The following USP34 variants were observed in gnomAD, a reference collection of about 807,000 sequenced individuals.
USP34 encodes the protein ubiquitin carboxyl-terminal hydrolase 34.
Under a neutral mutation model 460.3 loss-of-function variants are expected in USP34, and 70 were observed. The ratio of observed to expected loss-of-function variants is 0.15; its 90% CI spans 0.13 to 0.19. The LOEUF (loss-of-function observed/expected upper bound fraction) is 0.19. Ranked by LOEUF, USP34 falls within the 10% of genes least tolerant of loss-of-function variation. The pLI is 1.00. For synonymous variants in USP34, 1,647 were observed against 1,405.3 expected, an observed-to-expected ratio of 1.17 and a Z score of -3.85; for missense variants, 3,985 against 4,236.2, an observed-to-expected ratio of 0.94 and a Z score of 1.65.
At chr2:61,367,356 G>T (rs1692473264) in intron 10 of USP34, among the ~76,000 whole-genome samples, 1 of 152,168 alleles carries the variant, frequency 6.6e-6, no homozygotes, top group African/African-American at 2.4e-5. Flanking sequence ...TTTGCCAGGT[G>T]GTGGCTCGTG....
chr2:61,385,126 A>C (rs1693096640), intron 5 of USP34, among the ~76,000 whole-genome samples: 1 of 152,158 alleles, frequency 6.6e-6, no homozygotes, highest in African/African-American at 2.4e-5. Flanking sequence ...ACAGTTTTCA[A>C]AACGATTCCC....
At chr2:61,366,677 C>A (rs1692451049) in intron 10 of USP34, among the ~76,000 whole-genome samples, 1 of 151,936 alleles carries the variant, frequency 6.6e-6, no homozygotes, top group African/African-American at 2.4e-5. Context: ...GACAAGAGTT[C>A]CATTTGAGAG....
At chr2:61,268,137 C>A (rs557343732) in intron 41 of USP34, among the ~76,000 whole-genome samples, 36 of 152,198 alleles carry the variant, frequency 2.4e-4, no homozygotes, top group Admixed American at 2.1e-3. Context: ...ACTATGACCT[C>A]AGAGAATATT....
At position 61,222,885 on chromosome 2, in the gene USP34, C is replaced by T. The variant is rs149189128; in HGVS notation, c.7749+175G>A. 269 of 686,364 alleles carry T rather than the reference C, an allele frequency of 3.9e-4. No individual in the cohort carries two copies. The East Asian group carries it at 6.4e-3, about 16-fold the overall frequency. 42.5% of individuals were successfully genotyped at this position (686,364 alleles called of 1,614,324 possible). ...TAGATTTTTCTATTTTGTGTAGAGA[C>T]GGGTTCTCACTATGTTGCCTAGGCT... is the stretch of plus-strand genomic sequence containing the variant. On this transcript the variant is annotated intron_variant, in intron 64 of 79. Transcript: ENST00000398571.
At chr2:61,418,175 G>A (rs1236323105) in intron 2 of USP34, among the ~76,000 whole-genome samples, 2 of 151,368 alleles carry the variant, frequency 1.3e-5, no homozygotes, top group Non-Finnish European at 2.9e-5. Flanking sequence ...CGCCTCCCAG[G>A]TTCAAACAAT....
At chr2:61,314,421 T>C (rs1385063160) in intron 25 of USP34, among the ~76,000 whole-genome samples, 164 bp downstream of exon 25, 1 of 152,186 alleles carries the variant, frequency 6.6e-6, no homozygotes, top group Admixed American at 6.5e-5. Flanking sequence ...CAAAATGGTA[T>C]ATATTCTTAA....
intron 33 of USP34, among the ~76,000 whole-genome samples, chr2:61,293,221 A>G (rs1404670437): frequency 1.3e-5 from 2 of 152,214 alleles, no homozygotes; most frequent in South Asian, 2.1e-4. Context: ...TAAAGGAAAC[A>G]TGTTTATGAA....
In USP34 at chr2:61,333,896, T is replaced by C; in HGVS notation, c.2820A>G (p.Thr940=). 6.3e-7 allele frequency: 1 copy of C among 1,578,038 alleles called. No individual in the cohort carries two copies. The highest frequency in any genetic ancestry group is 1.8e-5 in the Admixed American group (1 of 55,522). ...TATTTACTTACATTGTTATCCAGTG[T>C]GTATCGTAACTGCTCCCAAACTGCT... ...TFQQFGSSYD[T]HWITMWAEKE... Residue 940 remains threonine (T), a synonymous_variant, in exon 19 of 80, where the codon ACA becomes ACG. Transcript: ENST00000398571.
intron 1 of USP34, among the ~76,000 whole-genome samples, chr2:61,424,121 C>G (rs997249182): frequency 6.6e-6 from 1 of 152,118 alleles, no homozygotes; most frequent in African/African-American, 2.4e-5. Flanking sequence ...ATCCAGCAAT[C>G]CCACTCGTGA....
intron 3 of USP34, among the ~76,000 whole-genome samples, chr2:61,400,073 CAGAG>C (rs749836730): frequency 8.0e-6 from 1 of 124,646 alleles, no homozygotes; most frequent in Admixed American, 8.7e-5. Flanking sequence ...AAAGAGAAAA[CAGAG>C]AGAAATAAAT....
chr2:61,463,462 GGTCA>G (rs1370181227), intron 1 of USP34, among the ~76,000 whole-genome samples: 12 of 152,098 alleles, frequency 7.9e-5, no homozygotes, highest in Non-Finnish European at 1.3e-4. Context: ...CATAAAACAC[GGTCA>G]GTAATTTTCA....
intron 27 of USP34, among the ~76,000 whole-genome samples, chr2:61,308,947 TG>T (rs1253816100): frequency 2.6e-5 from 4 of 151,962 alleles, no homozygotes; most frequent in African/African-American, 9.7e-5. Context: ...GAGGCTGAGG[TG>T]GGAGAATCAC....
intron 29 of USP34, among the ~76,000 whole-genome samples, chr2:61,300,110 T>C (rs185775451): frequency 6.6e-6 from 1 of 152,360 alleles, no homozygotes; most frequent in Admixed American, 6.5e-5. Context: ...AATGCTTTAC[T>C]GACTTTGTTA....
chr2:61,297,574 A>G (rs1439348562), intron 29 of USP34, among the ~76,000 whole-genome samples: 1 of 152,242 alleles, frequency 6.6e-6, no homozygotes, highest in Non-Finnish European at 1.5e-5. Flanking sequence ...AGTAAAAACT[A>G]AAATTGACAG....
intron 16 of USP34, 84 bp from the exon 17 acceptor site, chr2:61,339,765 G>A (rs1208922201): frequency 3.3e-6 from 2 of 601,384 alleles, no homozygotes; most frequent in Non-Finnish European, 5.1e-6. Context: ...CAAATCCAAA[G>A]AAAAGTACAC....
Position 61,188,254 on chromosome 2 carries a change from C to G in USP34, c.10489G>C (p.Glu3497Gln). The G allele has an allele frequency of 6.2e-7, 1 of 1,614,114 alleles. No individual in the cohort carries two copies. The highest frequency in any genetic ancestry group is 1.1e-5 in the South Asian group (1 of 91,076). ...DGQALPSQDP[E>Q]VALSLSCGHS... ...CCACAACTGAGAGATAAAGCAACCT[C>G]AGGGTCCTGGGAGGGCAAAGCTTGG... is the stretch of plus-strand genomic sequence containing the variant. Residue 3497 changes from glutamate to glutamine, a missense_variant, in exon 80 of 80, where the codon GAG becomes CAG. By Grantham distance (29) the Glu-to-Gln change is conservative. Transcript: ENST00000398571.
At chr2:61,380,060 A>G in intron 7 of USP34, 109 bp downstream of exon 7, 1 of 875,364 alleles carries the variant, frequency 1.1e-6, no homozygotes, top group Non-Finnish European at 1.7e-6. Flanking sequence ...ATCCACATAA[A>G]ATACTTAGCA....
At chr2:61,219,670 CAAAA>C (rs1264885020) in intron 67 of USP34, among the ~76,000 whole-genome samples, 1 of 78,576 alleles carries the variant, frequency 1.3e-5, no homozygotes, top group Non-Finnish European at 2.7e-5. Flanking sequence ...GACTCTGTCT[CAAAA>C]AAAAAAAAAA....
intron 75 of USP34, 83 bp downstream of exon 75, chr2:61,203,057 G>A: frequency 7.6e-7 from 1 of 1,309,470 alleles, no homozygotes; most frequent in Non-Finnish European, 1.0e-6. Flanking sequence ...AAAAAGGATT[G>A]TCTCATAATT....
Sources: gnomAD v4.1 joint callset for allele counts (sites outside exome capture counted in the v4.1 genomes callset) on GRCh38, gnomAD v4.1.1 for gene constraint, MANE v1.5 for transcripts, NCBI Gene and HGNC (gene_info 2026-07-23, HGNC 2026-07-21) for gene names.